The following MAPK10 variants were observed in gnomAD, a reference collection of about 807,000 sequenced individuals.
The protein encoded by MAPK10 is JNK3 alpha protein kinase.
MAPK10 carries 25 observed loss-of-function variants against 59.3 expected under a neutral mutation model. The ratio of observed to expected loss-of-function variants is 0.42; its 90% confidence interval spans 0.31 to 0.59. MAPK10 has a LOEUF of 0.59. Among genes scored for constraint, MAPK10 ranks in the 20% least tolerant of loss-of-function variants. The pLI, the probability that MAPK10 is intolerant of heterozygous loss-of-function variation, is 0.15. For synonymous variants in MAPK10, 190 were observed against 200.5 expected (o/e 0.95, Z 0.44); for missense variants, 351 against 568.9 (o/e 0.62, Z 3.90).
chr4:86,394,448 T>C (rs1742652045), intron 1 of MAPK10, among the ~76,000 whole-genome samples: 1 of 152,126 alleles, frequency 6.6e-6, no homozygotes, highest in South Asian at 2.1e-4. Context: ...AACATATATA[T>C]CTTGAAAATA....
chr4:86,207,227 G>A (rs1408426952), intron 2 of MAPK10, among the ~76,000 whole-genome samples: 1 of 151,488 alleles, frequency 6.6e-6, no homozygotes, highest in African/African-American at 2.4e-5. Flanking sequence ...TTTTGTATAA[G>A]GTGTAAGGAA....
At chr4:86,103,005 C>T in intron 6 of MAPK10, 181 bp downstream of exon 6, 3 of 479,098 alleles carry the variant, frequency 6.3e-6, no homozygotes, top group Non-Finnish European at 1.1e-5. Context: ...ATCTTCTTTA[C>T]ATATCACTGG....
chr4:86,239,079 G>T (rs2092514151), intron 2 of MAPK10, among the ~76,000 whole-genome samples: 1 of 152,082 alleles, frequency 6.6e-6, no homozygotes, highest in African/African-American at 2.4e-5. Context: ...TTTATTAAAG[G>T]CCTTTTCTGC....
intron 2 of MAPK10, among the ~76,000 whole-genome samples, chr4:86,266,586 C>T (rs971095032): frequency 5.9e-5 from 9 of 152,096 alleles, no homozygotes; most frequent in Non-Finnish European, 1.2e-4. Flanking sequence ...AATTGGTACA[C>T]ATCATAAAAA....
At chr4:86,145,235 G>A (rs2064647617) in intron 4 of MAPK10, among the ~76,000 whole-genome samples, 1 of 91,858 alleles carries the variant, frequency 1.1e-5, no homozygotes, top group Non-Finnish European at 2.1e-5. Context: ...GGTGGCGCGC[G>A]CCTGTAGTCC....
intron 2 of MAPK10, among the ~76,000 whole-genome samples, chr4:86,286,738 C>T (rs1353183547): frequency 6.6e-6 from 1 of 152,148 alleles, no homozygotes; most frequent in Non-Finnish European, 1.5e-5. Flanking sequence ...TCAAGTACTT[C>T]AGGAATGAGG....
intron 4 of MAPK10, among the ~76,000 whole-genome samples, chr4:86,140,083 T>A (rs1483069985): frequency 5.2e-5 from 6 of 116,190 alleles, no homozygotes; most frequent in African/African-American, 2.2e-4. Context: ...ACACTGTTGG[T>A]GGGACTGTAA....
intron 3 of MAPK10, among the ~76,000 whole-genome samples, chr4:86,180,708 T>C (rs758133425): frequency 6.6e-6 from 1 of 151,880 alleles, no homozygotes; most frequent in African/African-American, 2.4e-5. Context: ...GCACCATGAA[T>C]GGAACTGGAA....
chr4:86,315,354 A>C (rs2148879381), intron 2 of MAPK10, among the ~76,000 whole-genome samples: 1 of 152,246 alleles, frequency 6.6e-6, no homozygotes, highest in South Asian at 2.1e-4. Flanking sequence ...CAGCAGGCTG[A>C]CTATAGTCAA....
chr4:86,154,229 A>G (rs983624952), intron 4 of MAPK10, among the ~76,000 whole-genome samples: 3 of 152,158 alleles, frequency 2.0e-5, no homozygotes, highest in Middle Eastern at 3.2e-3. Flanking sequence ...CCTCATAACC[A>G]TAAGATGCTC....
intron 2 of MAPK10, among the ~76,000 whole-genome samples, chr4:86,224,391 G>A (rs2090240283): frequency 6.6e-6 from 1 of 152,180 alleles, no homozygotes; most frequent in African/African-American, 2.4e-5. Flanking sequence ...TTAAGGAAGT[G>A]ATATATTAAC....
chr4:86,520,227 T>G (rs1757012332), intron 1 of MAPK10, among the ~76,000 whole-genome samples: 1 of 152,218 alleles, frequency 6.6e-6, no homozygotes, highest in Admixed American at 6.5e-5. Context: ...ACTTTTAGAT[T>G]TATCTTCTTC....
At chr4:86,230,699 A>T (rs2091411935) in intron 2 of MAPK10, among the ~76,000 whole-genome samples, 1 of 152,136 alleles carries the variant, frequency 6.6e-6, no homozygotes. Flanking sequence ...CTTTAAAACT[A>T]CCCTTGATTT....
At chr4:86,517,177 T>C (rs1355716030) in intron 1 of MAPK10, among the ~76,000 whole-genome samples, 1 of 152,172 alleles carries the variant, frequency 6.6e-6, no homozygotes, top group East Asian at 1.9e-4. Flanking sequence ...AATCATATTT[T>C]TGTTTTTACT....
intron 2 of MAPK10, among the ~76,000 whole-genome samples, chr4:86,304,634 C>T (rs1264761020): frequency 2.6e-5 from 4 of 151,870 alleles, no homozygotes; most frequent in South Asian, 2.1e-4. Context: ...CCTTGTGATC[C>T]GCCCGCCTCG....
At chr4:86,275,461 A>G (rs2094546533) in intron 2 of MAPK10, among the ~76,000 whole-genome samples, 2 of 152,190 alleles carry the variant, frequency 1.3e-5, no homozygotes, top group Non-Finnish European at 2.9e-5. Context: ...ATATTAACAT[A>G]AAATCATATT....
At chr4:86,226,532 A>T (rs1638282885) in intron 2 of MAPK10, among the ~76,000 whole-genome samples, 1 of 152,254 alleles carries the variant, frequency 6.6e-6, no homozygotes, top group African/African-American at 2.4e-5. Flanking sequence ...CACATAAGTT[A>T]GTACAGTAAC....
chr4:86,379,539 C>T (rs1435192717), intron 1 of MAPK10, among the ~76,000 whole-genome samples: 3 of 152,120 alleles, frequency 2.0e-5, no homozygotes, highest in Non-Finnish European at 2.9e-5. Context: ...GTGGGTTTAC[C>T]GGAATGAGGG....
intron 2 of MAPK10, among the ~76,000 whole-genome samples, chr4:86,256,460 T>C (rs2093713389): frequency 6.6e-6 from 1 of 152,174 alleles, no homozygotes; most frequent in Non-Finnish European, 1.5e-5. Context: ...ATTCTCTTTC[T>C]GTTTTGCTTA....
Sources: gnomAD v4.1 joint callset for allele counts (sites outside exome capture counted in the v4.1 genomes callset) on GRCh38, gnomAD v4.1.1 for gene constraint, MANE v1.5 for transcripts, NCBI Gene and HGNC (gene_info 2026-07-23, HGNC 2026-07-21) for gene names.